Variants in DCLK1 observed in about 807,000 individuals in gnomAD.
DCLK1 encodes doublecortin like kinase 1, also known as serine/threonine-protein kinase DCLK1.
In DCLK1, 16 loss-of-function variants were observed where a neutral mutation model predicts 86.2. The observed-to-expected ratio is 0.19, with a 90% confidence interval of 0.13 to 0.28. DCLK1 has a LOEUF of 0.28. Among genes scored for constraint, DCLK1 ranks in the 10% least tolerant of loss-of-function variants. DCLK1 has a pLI of 1.00. For missense variants in DCLK1, 590 were observed against 940.2 expected, an observed-to-expected ratio of 0.63 and a Z score of 4.87; for synonymous variants, 369 against 370.5, an observed-to-expected ratio of 1.00 and a Z score of 0.05.
chr13:35,849,166 T>C (rs1468379423), intron 6 of DCLK1: 3 of 985,224 alleles, frequency 3.0e-6, no homozygotes, highest in Non-Finnish European at 3.6e-6. Flanking sequence ...CTTCTTCCTC[T>C]TCTTTTGGTT....
At chr13:35,962,265 G>A (rs987180539) in intron 3 of DCLK1, among the ~76,000 whole-genome samples, 6 of 152,100 alleles carry the variant, frequency 3.9e-5, no homozygotes, top group Admixed American at 6.6e-5. Flanking sequence ...TTAAGATGAG[G>A]TCATCCTGGA....
At chr13:35,984,592 T>C (rs1879811116) in intron 3 of DCLK1, among the ~76,000 whole-genome samples, 2 of 152,244 alleles carry the variant, frequency 1.3e-5, no homozygotes, top group South Asian at 4.1e-4. Flanking sequence ...CTAAAGTCTA[T>C]TTCTCTACTT....
At chr13:36,048,966 G>A (rs1052991970) in intron 3 of DCLK1, among the ~76,000 whole-genome samples, 1 of 152,154 alleles carries the variant, frequency 6.6e-6, no homozygotes, top group African/African-American at 2.4e-5. Context: ...GAGGCTGGGA[G>A]TGGTTTCACA....
At chr13:36,111,054 T>G (rs1885600035) in intron 3 of DCLK1, among the ~76,000 whole-genome samples, 1 of 151,988 alleles carries the variant, frequency 6.6e-6, no homozygotes, top group African/African-American at 2.4e-5. Flanking sequence ...CAGGATGGTC[T>G]CGATCTCCTG....
At chr13:35,827,539 C>G (rs932426919) in intron 10 of DCLK1, 96 bp downstream of exon 10, 2 of 1,452,344 alleles carry the variant, frequency 1.4e-6, no homozygotes, top group African/African-American at 1.4e-5. Context: ...AAATGAGAAC[C>G]TGAATACTGA....
chr13:35,869,974 G>A (rs2153114428), intron 5 of DCLK1, among the ~76,000 whole-genome samples: 1 of 152,296 alleles, frequency 6.6e-6, no homozygotes, highest in Middle Eastern at 3.4e-3. Context: ...ACTCTCATGA[G>A]CTCTAAGCTT....
chr13:35,863,653 C>A (rs74733499), intron 5 of DCLK1, among the ~76,000 whole-genome samples: 2 of 152,038 alleles, frequency 1.3e-5, no homozygotes, highest in African/African-American at 4.8e-5. Flanking sequence ...TTCCTTGGAG[C>A]TCCAAAGCAA....
intron 3 of DCLK1, among the ~76,000 whole-genome samples, chr13:35,981,221 T>G (rs889360726): frequency 6.6e-6 from 1 of 151,860 alleles, no homozygotes; most frequent in Non-Finnish European, 1.5e-5. Flanking sequence ...GAATAAAAAG[T>G]GTTTTGTTTT....
In DCLK1 at chr13:35,914,332, AATATATATATATATATACATATAT is replaced by A. The variant is rs1566600152; in HGVS notation, c.823+33002_823+33025del. 1.4e-3 allele frequency among the ~76,000 whole-genome samples: 105 copies of A among 74,070 alleles called. 1 individual carries two copies. Among genetic ancestry groups the A allele is most frequent in the Middle Eastern group, 0.019 (2 of 108 alleles). 48.6% of individuals were successfully genotyped at this position (74,070 alleles called of 152,430 possible). ...GAGACCTTATCTCAGAAAAAAAAAA[AATATATATATATATATACATATAT>A]ATATATATATATGTATATATATATA... On this transcript the variant is annotated intron_variant, in intron 4 of 16. Transcript: ENST00000360631.
chr13:35,981,331 T>G (rs1156915209), intron 3 of DCLK1, among the ~76,000 whole-genome samples: 1 of 152,174 alleles, frequency 6.6e-6, no homozygotes, highest in Non-Finnish European at 1.5e-5. Flanking sequence ...AATATATACT[T>G]TTTTTAAGGG....
At chr13:35,972,342 A>C (rs550603874) in intron 3 of DCLK1, among the ~76,000 whole-genome samples, 1 of 152,196 alleles carries the variant, frequency 6.6e-6, no homozygotes, top group South Asian at 2.1e-4. Flanking sequence ...GGGCTCAAGC[A>C]ATCCTCCTGC....
chr13:35,937,315 T>C (rs1876820457), intron 4 of DCLK1, among the ~76,000 whole-genome samples: 1 of 151,890 alleles, frequency 6.6e-6, no homozygotes, highest in Admixed American at 6.6e-5. Context: ...GCCGAGAGAG[T>C]TTGAAGCCAC....
At chr13:35,815,886 ATGT>A (rs1381529312) in intron 11 of DCLK1, among the ~76,000 whole-genome samples, 1 of 152,202 alleles carries the variant, frequency 6.6e-6, no homozygotes, top group Non-Finnish European at 1.5e-5. Flanking sequence ...AAAATAATGA[ATGT>A]TGTGCAGATG....
At chr13:35,877,454 CT>C (rs998832927) in intron 4 of DCLK1, among the ~76,000 whole-genome samples, 5 of 152,214 alleles carry the variant, frequency 3.3e-5, no homozygotes, top group African/African-American at 1.2e-4. Flanking sequence ...TCAAAGGGGC[CT>C]ACTTAGACCT....
chr13:35,784,007 G>A (rs1593584875), intron 16 of DCLK1, among the ~76,000 whole-genome samples: 2 of 152,216 alleles, frequency 1.3e-5, no homozygotes, highest in Middle Eastern at 6.8e-3. Flanking sequence ...TTATAATTAC[G>A]TTCTTTATGT....
chr13:36,051,847 T>G (rs1402630564), intron 3 of DCLK1, among the ~76,000 whole-genome samples: 3 of 152,158 alleles, frequency 2.0e-5, no homozygotes, highest in Non-Finnish European at 4.4e-5. Context: ...CTTTCCTTAT[T>G]ATAGTGATAG....
At chr13:36,055,663 CA>C (rs1883276911) in intron 3 of DCLK1, among the ~76,000 whole-genome samples, 1 of 152,122 alleles carries the variant, frequency 6.6e-6, no homozygotes, top group South Asian at 2.1e-4. Flanking sequence ...GTCATAAATC[CA>C]TGTCACATTT....
intron 5 of DCLK1, chr13:35,855,894 T>C: frequency 5.6e-6 from 6 of 1,072,374 alleles, no homozygotes; most frequent in Non-Finnish European, 6.8e-6. Flanking sequence ...GTGACTCATC[T>C]GAAAATCGAA....
intron 4 of DCLK1, among the ~76,000 whole-genome samples, chr13:35,924,286 C>T (rs1875973337): frequency 6.6e-6 from 1 of 151,992 alleles, no homozygotes; most frequent in Non-Finnish European, 1.5e-5. Flanking sequence ...TCAGAGCATC[C>T]AGCAGACCGT....
Sources: gnomAD v4.1 joint callset for allele counts (sites outside exome capture counted in the v4.1 genomes callset) on GRCh38, gnomAD v4.1.1 for gene constraint, MANE v1.5 for transcripts, NCBI Gene and HGNC (gene_info 2026-07-23, HGNC 2026-07-21) for gene names.